Variants in CSTPP1 observed in about 807,000 individuals in gnomAD.
CSTPP1 encodes the protein centriolar satellite-associated tubulin polyglutamylase complex regulator 1.
chr11:47,155,275 G>A, the CSTPP1 span: 2 of 1,598,370 alleles, frequency 1.3e-6, no homozygotes, highest in Non-Finnish European at 8.6e-7. Context: ...AGTGTTCCGG[G>A]GCTCCATCTG....
At chr11:47,044,641 T>TG in the CSTPP1 span, among the ~76,000 whole-genome samples, 2 of 151,854 alleles carry the variant, frequency 1.3e-5, no homozygotes, top group Admixed American at 1.3e-4. Flanking sequence ...TAAAAAGAAT[T>TG]GGGGGGTGCA....
chr11:46,991,340 G>A, the CSTPP1 span, among the ~76,000 whole-genome samples: 1 of 151,876 alleles, frequency 6.6e-6, no homozygotes, highest in South Asian at 2.1e-4. Context: ...TCTTTTCAAT[G>A]AAATCTAGAT....
the CSTPP1 span, among the ~76,000 whole-genome samples, chr11:47,086,500 G>A: frequency 2.0e-5 from 3 of 151,492 alleles, no homozygotes; most frequent in Non-Finnish European, 2.9e-5. Flanking sequence ...GAAAAGGGGA[G>A]GAAGTAGGGG....
the CSTPP1 span, among the ~76,000 whole-genome samples, chr11:47,008,896 T>C: frequency 6.6e-6 from 1 of 152,078 alleles, no homozygotes; most frequent in Non-Finnish European, 1.5e-5. Context: ...CTGGGCGTAG[T>C]GGCAGGCTCC....
the CSTPP1 span, among the ~76,000 whole-genome samples, chr11:47,121,123 A>T: frequency 1.3e-5 from 2 of 152,294 alleles, no homozygotes; most frequent in South Asian, 4.1e-4. Context: ...TGCCTTCAGG[A>T]CCCACTGAAA....
the CSTPP1 span, among the ~76,000 whole-genome samples, chr11:46,945,608 C>T: frequency 1.1e-4 from 16 of 152,222 alleles, no homozygotes; most frequent in African/African-American, 3.6e-4. Context: ...GAGCAAGACT[C>T]TGTCTCAAAA....
the CSTPP1 span, among the ~76,000 whole-genome samples, chr11:47,079,639 T>C: frequency 2.0e-5 from 3 of 152,228 alleles, no homozygotes; most frequent in Non-Finnish European, 4.4e-5. Context: ...TTATTTCTAG[T>C]ATTTTTATGC....
the CSTPP1 span, among the ~76,000 whole-genome samples, chr11:47,004,713 G>A: frequency 5.3e-5 from 8 of 152,264 alleles, no homozygotes; most frequent in South Asian, 6.2e-4. Context: ...TCAAGGTGTA[G>A]TGGGAGACTT....
the CSTPP1 span, chr11:47,156,996 C>G: frequency 1.9e-6 from 3 of 1,612,614 alleles, no homozygotes; most frequent in Non-Finnish European, 2.5e-6. Flanking sequence ...GCCGTCCACA[C>G]CCACACCCCC....
At chr11:47,076,031 G>A in the CSTPP1 span, among the ~76,000 whole-genome samples, 4 of 149,392 alleles carry the variant, frequency 2.7e-5, no homozygotes, top group Non-Finnish European at 5.9e-5. Flanking sequence ...AAATCATTAT[G>A]AGGAGCAATT....
the CSTPP1 span, among the ~76,000 whole-genome samples, chr11:46,969,240 T>C: frequency 6.6e-6 from 1 of 152,236 alleles, no homozygotes; most frequent in South Asian, 2.1e-4. Context: ...TACAAGGGCC[T>C]GAAGCCCCCG....
At chr11:47,088,753 C>T in the CSTPP1 span, among the ~76,000 whole-genome samples, 1 of 152,054 alleles carries the variant, frequency 6.6e-6, no homozygotes, top group South Asian at 2.1e-4. Flanking sequence ...ACCATATTGT[C>T]CAGGCTGGTC....
chr11:47,091,043 T>G, the CSTPP1 span, among the ~76,000 whole-genome samples: 5 of 16,950 alleles, frequency 2.9e-4, 1 homozygote, highest in African/African-American at 8.0e-4. Context: ...CGAGACTCCA[T>G]CTCAAAAAAA....
chr11:47,156,890 A>G, the CSTPP1 span: 2 of 841,678 alleles, frequency 2.4e-6, no homozygotes, highest in Non-Finnish European at 3.6e-6. Flanking sequence ...TTCTGCTCTC[A>G]GGACACCATG....
chr11:47,054,310 CAAAAAAAAAAA>C, the CSTPP1 span, among the ~76,000 whole-genome samples: 8 of 41,584 alleles, frequency 1.9e-4, no homozygotes, highest in African/African-American at 6.1e-4. Context: ...TACTCCGTCT[CAAAAAAAAAAA>C]AAAAAAAAAA....
At chr11:47,137,411 C>T in the CSTPP1 span, 1 of 1,508,294 alleles carries the variant, frequency 6.6e-7, no homozygotes, top group Non-Finnish European at 8.8e-7. Context: ...ACCAGTGAAG[C>T]TCCTTTGGTC....
the CSTPP1 span, chr11:47,159,692 C>A: frequency 8.8e-6 from 4 of 456,068 alleles, no homozygotes; most frequent in African/African-American, 8.0e-5. Flanking sequence ...TAACCTCATC[C>A]CCCTTTTCTA....
At chr11:47,117,588 G>A in the CSTPP1 span, among the ~76,000 whole-genome samples, 1 of 152,088 alleles carries the variant, frequency 6.6e-6, no homozygotes, top group Non-Finnish European at 1.5e-5. Context: ...CAACCTTGGG[G>A]AATCTGATAA....
chr11:47,013,201 A>G, the CSTPP1 span, among the ~76,000 whole-genome samples: 10 of 148,880 alleles, frequency 6.7e-5, no homozygotes, highest in Non-Finnish European at 7.4e-5. Flanking sequence ...ATGTAGTTAT[A>G]TATAAATGGT....
Sources: allele counts gnomAD v4.1 joint callset (sites outside exome capture counted in the v4.1 genomes callset), GRCh38; gene constraint gnomAD v4.1.1; transcripts MANE v1.5; gene names NCBI Gene and HGNC (gene_info 2026-07-23, HGNC 2026-07-21).